Variants in PRKG1 observed in about 807,000 individuals in gnomAD.
The protein encoded by PRKG1 is protein kinase cGMP-dependent 1, also known as cGMP-dependent protein kinase 1.
Under a neutral mutation model 88.1 loss-of-function variants are expected in PRKG1, and 35 were observed. The observed-to-expected ratio is 0.40, with a 90% confidence interval of 0.30 to 0.53. The LOEUF (loss-of-function observed/expected upper bound fraction) is 0.53, where lower values mean the gene tolerates loss of function less well. PRKG1 is among the 20% of genes least tolerant of loss of function. The pLI is 0.59. For synonymous variants in PRKG1, 303 were observed against 292.5 expected (o/e 1.04, Z -0.37); for missense variants, 540 against 839.8 (o/e 0.64, Z 4.41).
intron 6 of PRKG1, among the ~76,000 whole-genome samples, chr10:52,058,524 T>C (rs924354662): frequency 6.6e-6 from 1 of 151,816 alleles, no homozygotes; most frequent in African/African-American, 2.4e-5. Flanking sequence ...GTACTTAAGG[T>C]GAGAAACAGA....
chr10:51,129,301 C>G (rs977210386), intron 1 of PRKG1, among the ~76,000 whole-genome samples: 1 of 151,926 alleles, frequency 6.6e-6, no homozygotes, highest in African/African-American at 2.4e-5. Flanking sequence ...CATGACAAAG[C>G]CCCATCTCTA....
At chr10:51,864,807 C>T (rs1017749180) in intron 4 of PRKG1, among the ~76,000 whole-genome samples, 21 of 152,156 alleles carry the variant, frequency 1.4e-4, no homozygotes, top group African/African-American at 4.8e-4. Flanking sequence ...TGTACATTCA[C>T]ATCTGCCTGG....
chr10:51,965,733 T>A (rs1377421198), intron 5 of PRKG1, among the ~76,000 whole-genome samples: 1 of 152,106 alleles, frequency 6.6e-6, no homozygotes, highest in East Asian at 1.9e-4. Flanking sequence ...AATTCCAATA[T>A]GAAAAAAATT....
chr10:52,166,810 T>C (rs1300862191), intron 9 of PRKG1, among the ~76,000 whole-genome samples: 1 of 1,204 alleles, frequency 8.3e-4, no homozygotes, highest in Non-Finnish European at 0.062. Context: ...TATATATATG[T>C]ATATATATGT....
At chr10:51,503,185 C>T (rs1356025449) in intron 3 of PRKG1, among the ~76,000 whole-genome samples, 1 of 152,158 alleles carries the variant, frequency 6.6e-6, no homozygotes, top group East Asian at 1.9e-4. Context: ...GCTCTCACTA[C>T]ATCCTCACTC....
At chr10:51,337,929 A>G (rs991085506) in intron 2 of PRKG1, among the ~76,000 whole-genome samples, 2 of 152,216 alleles carry the variant, frequency 1.3e-5, no homozygotes, top group Admixed American at 1.3e-4. Flanking sequence ...AAATCATTCT[A>G]TTACAAAGCT....
chr10:51,685,240 T>C (rs906289366), intron 3 of PRKG1, among the ~76,000 whole-genome samples: 2 of 152,162 alleles, frequency 1.3e-5, no homozygotes, highest in Non-Finnish European at 2.9e-5. Context: ...CAGACAAACT[T>C]GGATTCAATG....
intron 3 of PRKG1, among the ~76,000 whole-genome samples, chr10:51,646,306 G>C (rs972008857): frequency 3.3e-5 from 5 of 151,984 alleles, no homozygotes; most frequent in Non-Finnish European, 7.4e-5. Context: ...TACCTCTGAG[G>C]GTTGTTGTGA....
chr10:51,270,791 T>C (rs916210113), intron 2 of PRKG1, among the ~76,000 whole-genome samples: 3 of 152,162 alleles, frequency 2.0e-5, no homozygotes, highest in Admixed American at 2.0e-4. Context: ...ACTCCCTAGT[T>C]GTCATGAAAC....
At chr10:52,170,444 CA>C (rs1838634769) in intron 9 of PRKG1, among the ~76,000 whole-genome samples, 1 of 152,104 alleles carries the variant, frequency 6.6e-6, no homozygotes, top group African/African-American at 2.4e-5. Context: ...GTATGCAAAA[CA>C]GGACCCTTAT....
chr10:51,350,136 A>G (rs959844343), intron 2 of PRKG1, among the ~76,000 whole-genome samples: 6 of 152,244 alleles, frequency 3.9e-5, no homozygotes, highest in African/African-American at 1.4e-4. Flanking sequence ...TCATTCATAT[A>G]GTAGAGTTAT....
chr10:51,302,471 G>A (rs2132242365), intron 2 of PRKG1: 1 of 151,942 alleles, frequency 6.6e-6, no homozygotes. Flanking sequence ...TAATAGCCTA[G>A]GAAAGTATGA....
At chr10:51,041,028 C>T (rs1385479682) in intron 1 of PRKG1, among the ~76,000 whole-genome samples, 4 of 152,100 alleles carry the variant, frequency 2.6e-5, no homozygotes, top group African/African-American at 9.7e-5. Context: ...TGAGCTGGCA[C>T]CCAAGCAACA....
At chr10:52,043,359 A>C (rs1017442409) in intron 5 of PRKG1, among the ~76,000 whole-genome samples, 2 of 152,128 alleles carry the variant, frequency 1.3e-5, no homozygotes, top group Admixed American at 6.6e-5. Context: ...AAAATGTGGA[A>C]TATATACACA....
At chr10:51,509,733 T>C (rs1841336540) in intron 3 of PRKG1, among the ~76,000 whole-genome samples, 1 of 152,192 alleles carries the variant, frequency 6.6e-6, no homozygotes, top group South Asian at 2.1e-4. Context: ...ATATGCTGTA[T>C]CATCTCATTA....
At chr10:52,133,204 A>G (rs1035602856) in intron 7 of PRKG1, among the ~76,000 whole-genome samples, 1 of 152,118 alleles carries the variant, frequency 6.6e-6, no homozygotes, top group African/African-American at 2.4e-5. Flanking sequence ...CAAAGGTTTA[A>G]GAGATTGATA....
chr10:51,291,005 A>C (rs766178562), intron 2 of PRKG1, among the ~76,000 whole-genome samples: 1 of 152,220 alleles, frequency 6.6e-6, no homozygotes, highest in Non-Finnish European at 1.5e-5. Context: ...TAAACAGTCA[A>C]TAGTCTTTGT....
intron 2 of PRKG1, among the ~76,000 whole-genome samples, chr10:51,462,599 G>A (rs956724491): frequency 6.6e-6 from 1 of 152,126 alleles, no homozygotes; most frequent in Non-Finnish European, 1.5e-5. Flanking sequence ...CAAGGTTTAG[G>A]ACTTATGACT....
intron 2 of PRKG1, among the ~76,000 whole-genome samples, chr10:51,283,959 T>G (rs16916216): frequency 0.076 from 11,496 of 152,172 alleles, 1,421 homozygotes; most frequent in African/African-American, 0.26. Flanking sequence ...AATCAACCAA[T>G]TTACAAACAT....
Sources: allele counts gnomAD v4.1 joint callset (sites outside exome capture counted in the v4.1 genomes callset), GRCh38; gene constraint gnomAD v4.1.1; transcripts MANE v1.5; gene names NCBI Gene and HGNC (gene_info 2026-07-23, HGNC 2026-07-21).